The following KANSL1 variants were observed in gnomAD, a reference collection of about 807,000 sequenced individuals.
KANSL1 encodes the protein KAT8 regulatory NSL complex subunit 1.
A neutral mutation model predicts 103.6 loss-of-function variants in KANSL1; 22 were observed. That is an observed-to-expected ratio of 0.21 (90% CI 0.15 to 0.30). The LOEUF (loss-of-function observed/expected upper bound fraction) is 0.30. KANSL1 is among the 10% of genes least tolerant of loss of function. The probability of loss-of-function intolerance (pLI) is 1.00; values close to 1 mark genes in which losing one functional copy is unlikely to be tolerated. For missense variants in KANSL1, 1,337 were observed against 1,399.8 expected, an observed-to-expected ratio of 0.96 and a Z score of 0.72; for synonymous variants, 600 against 527.6, an observed-to-expected ratio of 1.14 and a Z score of -1.88.
intron 2 of KANSL1, among the ~76,000 whole-genome samples, chr17:46,114,744 T>C (rs2042970154): frequency 6.6e-6 from 1 of 152,250 alleles, no homozygotes; most frequent in Non-Finnish European, 1.5e-5. Flanking sequence ...TTTAAAGTTA[T>C]TAGACTATGA....
intron 3 of KANSL1, among the ~76,000 whole-genome samples, chr17:46,092,074 A>C (rs2079415561): frequency 6.6e-6 from 1 of 151,970 alleles, no homozygotes; most frequent in Non-Finnish European, 1.5e-5. Context: ...CCCACCTTGG[A>C]CTCCCATGCC....
intron 7 of KANSL1, chr17:46,042,310 A>AT (rs2077354957): frequency 6.6e-6 from 1 of 152,226 alleles, no homozygotes; most frequent in Admixed American, 6.5e-5. Flanking sequence ...AGACGTCTAA[A>AT]TTAACATTAC....
chr17:46,139,952 T>C (rs946772253), intron 2 of KANSL1, among the ~76,000 whole-genome samples: 2 of 152,200 alleles, frequency 1.3e-5, no homozygotes, highest in East Asian at 3.8e-4. Flanking sequence ...TCAAGTAAAT[T>C]AGCATAATCC....
At chr17:46,181,874 CCTT>C (rs1209119972) in intron 1 of KANSL1, among the ~76,000 whole-genome samples, 9 of 152,020 alleles carry the variant, frequency 5.9e-5, no homozygotes, top group South Asian at 2.1e-4. Context: ...CCTGGAAGGT[CCTT>C]CTTCTACTTT....
intron 6 of KANSL1, among the ~76,000 whole-genome samples, chr17:46,060,337 G>C (rs189056339): frequency 6.6e-6 from 1 of 152,224 alleles, no homozygotes; most frequent in African/African-American, 2.4e-5. Flanking sequence ...TCACAATCAA[G>C]CATATCCCAC....
At chr17:46,114,511 A>T (rs1476999786) in intron 2 of KANSL1, among the ~76,000 whole-genome samples, 5 of 152,248 alleles carry the variant, frequency 3.3e-5, no homozygotes, top group Non-Finnish European at 5.9e-5. Flanking sequence ...TTCTTAGACT[A>T]CTATCAAATT....
rs543932370 is a variant in KANSL1 at position 46,153,318 on chromosome 17, T to C, written c.1289+17537A>G. On this transcript the variant is annotated intron_variant, in intron 2 of 14. Coordinates refer to ENST00000432791, the MANE Select transcript of KANSL1 (RefSeq NM_015443.4). ...TCTTTAAATTTCCCTTCTAGAAAGA[T>C]GGGCACAAGGAAATCCTTAGCTTTC... Among the ~76,000 whole-genome samples the C allele has an allele frequency of 7.2e-5, 11 of 152,360 alleles. No individual in the cohort carries two copies. The East Asian group carries it at 2.1e-3, about 29-fold the overall frequency.
intron 1 of KANSL1, among the ~76,000 whole-genome samples, chr17:46,182,267 A>G (rs2046829389): frequency 6.6e-6 from 1 of 152,252 alleles, no homozygotes; most frequent in African/African-American, 2.4e-5. Context: ...CAATCAAAAT[A>G]ATGGGAAAGA....
intron 4 of KANSL1, among the ~76,000 whole-genome samples, chr17:46,080,791 T>C (rs1290784131): frequency 7.2e-6 from 1 of 137,940 alleles, no homozygotes; most frequent in African/African-American, 2.7e-5. Context: ...GGGTAGATAA[T>C]TCACGAAAAC....
At chr17:46,167,677 A>C (rs2046074689) in intron 2 of KANSL1, among the ~76,000 whole-genome samples, 1 of 152,270 alleles carries the variant, frequency 6.6e-6, no homozygotes, top group Non-Finnish European at 1.5e-5. Flanking sequence ...CAACCATAAA[A>C]ATTAATTTAA....
At chr17:46,083,437 C>A (rs1421938423) in intron 3 of KANSL1, among the ~76,000 whole-genome samples, 1 of 152,088 alleles carries the variant, frequency 6.6e-6, no homozygotes, top group Non-Finnish European at 1.5e-5. Context: ...ATCAGAATCA[C>A]CTGGGGAACC....
intron 2 of KANSL1, among the ~76,000 whole-genome samples, chr17:46,125,765 C>G (rs56273589): frequency 0.14 from 21,674 of 151,964 alleles, 2,122 homozygotes; most frequent in Non-Finnish European, 0.22. Context: ...ATTATGTTCA[C>G]TAGTAACAGA....
intron 4 of KANSL1, among the ~76,000 whole-genome samples, chr17:46,076,067 TACTA>T: frequency 6.6e-6 from 1 of 152,264 alleles, no homozygotes; most frequent in Non-Finnish European, 1.5e-5. Context: ...AATTAGCTTT[TACTA>T]ACTTTCATTA....
At chr17:46,088,002 C>T (rs971537808) in intron 3 of KANSL1, among the ~76,000 whole-genome samples, 2 of 152,196 alleles carry the variant, frequency 1.3e-5, no homozygotes, top group African/African-American at 4.8e-5. Flanking sequence ...GGCTGCTGTA[C>T]TATGAAATAG....
At chr17:46,115,934 G>C (rs949004643) in intron 2 of KANSL1, among the ~76,000 whole-genome samples, 3 of 152,242 alleles carry the variant, frequency 2.0e-5, no homozygotes, top group Non-Finnish European at 4.4e-5. Context: ...TGACAAAGCA[G>C]AGGATAAGGA....
chr17:46,204,015 A>C (rs2696450), intron 1 of KANSL1, among the ~76,000 whole-genome samples: 1 of 151,848 alleles, frequency 6.6e-6, no homozygotes, highest in Non-Finnish European at 1.5e-5. Flanking sequence ...TCTCACGGGT[A>C]GGGGAGCAGG....
intron 1 of KANSL1, among the ~76,000 whole-genome samples, chr17:46,201,587 A>G (rs1166527409): frequency 6.6e-6 from 1 of 152,132 alleles, no homozygotes; most frequent in Non-Finnish European, 1.5e-5. Context: ...TTTGTATAAA[A>G]CTGGTCGGTT....
intron 2 of KANSL1, among the ~76,000 whole-genome samples, chr17:46,123,244 T>C (rs1052247476): frequency 1.3e-5 from 2 of 152,088 alleles, no homozygotes; most frequent in African/African-American, 4.8e-5. Flanking sequence ...GGGTGTGGCA[T>C]TGCGCACTTG....
At chr17:46,216,616 A>AAAAAT (rs778351416) in intron 1 of KANSL1, among the ~76,000 whole-genome samples, 13,303 of 142,738 alleles carry the variant, frequency 0.093, no homozygotes, top group Non-Finnish European at 0.15. Context: ...AAAAAAAAAA[A>AAAAAT]GTTTCAAAGA....
Sources: gnomAD v4.1 joint callset for allele counts (sites outside exome capture counted in the v4.1 genomes callset) on GRCh38, gnomAD v4.1.1 for gene constraint, MANE v1.5 for transcripts, NCBI Gene and HGNC (gene_info 2026-07-23, HGNC 2026-07-21) for gene names.